PIK3C2G: variants seen among roughly 807,000 people sequenced by gnomAD.
PIK3C2G encodes phosphatidylinositol-4-phosphate 3-kinase catalytic subunit type 2 gamma.
In PIK3C2G, 168 loss-of-function variants were observed where a neutral mutation model predicts 181.1. The ratio of observed to expected loss-of-function variants is 0.93; its 90% CI spans 0.82 to 1.05. The LOEUF (loss-of-function observed/expected upper bound fraction) is 1.05, where lower values mean the gene tolerates loss of function less well. Among genes scored for constraint, PIK3C2G ranks in the 50% least tolerant of loss-of-function variants. PIK3C2G has a pLI of 0.00. For missense variants in PIK3C2G, 1,869 were observed against 1,732.8 expected, an observed-to-expected ratio of 1.08 and a Z score of -1.40; for synonymous variants, 573 against 592.2, an observed-to-expected ratio of 0.97 and a Z score of 0.47.
intron 18 of PIK3C2G, among the ~76,000 whole-genome samples, chr12:18,432,770 A>G (rs946693708): frequency 6.6e-6 from 1 of 152,232 alleles, no homozygotes; most frequent in Non-Finnish European, 1.5e-5. Context: ...GCTATCCCAG[A>G]AAGGGATCTC....
chr12:18,407,848 T>A (rs905868876), intron 16 of PIK3C2G, among the ~76,000 whole-genome samples: 2 of 152,042 alleles, frequency 1.3e-5, no homozygotes, highest in Non-Finnish European at 2.9e-5. Flanking sequence ...GAACTGCACA[T>A]AGGAAACTGG....
chr12:18,353,953 C>T (rs1038429085), intron 11 of PIK3C2G, among the ~76,000 whole-genome samples: 1 of 152,180 alleles, frequency 6.6e-6, no homozygotes, highest in Non-Finnish European at 1.5e-5. Flanking sequence ...TCTCCCATCT[C>T]ATCATTGAGA....
intron 16 of PIK3C2G, among the ~76,000 whole-genome samples, chr12:18,406,334 T>C: frequency 6.6e-6 from 1 of 152,166 alleles, no homozygotes; most frequent in African/African-American, 2.4e-5. Context: ...AATGCTTTCA[T>C]GAACATGGGG....
intron 6 of PIK3C2G, among the ~76,000 whole-genome samples, chr12:18,315,594 A>G (rs576415889): frequency 2.6e-5 from 4 of 152,352 alleles, no homozygotes; most frequent in South Asian, 2.1e-4. Context: ...GGGCATACAT[A>G]CATGTCTGAG....
At chr12:18,284,351 A>G (rs1405832060) in intron 2 of PIK3C2G, among the ~76,000 whole-genome samples, 1 of 152,158 alleles carries the variant, frequency 6.6e-6, no homozygotes, top group Non-Finnish European at 1.5e-5. Context: ...TGGCCTAACA[A>G]CAACAAAAAT....
intron 18 of PIK3C2G, among the ~76,000 whole-genome samples, chr12:18,437,091 C>T (rs1215241734): frequency 4.0e-5 from 6 of 151,804 alleles, no homozygotes; most frequent in Non-Finnish European, 7.4e-5. Context: ...TTTTGTTTCC[C>T]AGGGCTGTGA....
intron 24 of PIK3C2G, among the ~76,000 whole-genome samples, chr12:18,520,707 C>T (rs1159164462): frequency 1.3e-5 from 2 of 152,116 alleles, no homozygotes; most frequent in Non-Finnish European, 2.9e-5. Flanking sequence ...CTTCTGAAGC[C>T]TACTTCTGTC....
chr12:18,655,871 C>T, the PIK3C2G span, among the ~76,000 whole-genome samples: 2 of 152,104 alleles, frequency 1.3e-5, no homozygotes, highest in Non-Finnish European at 2.9e-5. Flanking sequence ...GAAACTGTCA[C>T]AGCCAAGAGG....
intron 6 of PIK3C2G, among the ~76,000 whole-genome samples, chr12:18,318,216 G>C (rs745404917): frequency 6.6e-6 from 1 of 151,996 alleles, no homozygotes; most frequent in African/African-American, 2.4e-5. Flanking sequence ...TCATAGAGCA[G>C]GATAAATTTT....
chr12:18,712,491 G>A, the PIK3C2G span, among the ~76,000 whole-genome samples: 2 of 152,068 alleles, frequency 1.3e-5, no homozygotes, highest in African/African-American at 4.8e-5. Context: ...TGTCTTGAAA[G>A]TAAAAGAGTT....
intron 24 of PIK3C2G, among the ~76,000 whole-genome samples, chr12:18,525,909 C>T (rs868857762): frequency 6.6e-5 from 10 of 152,264 alleles, no homozygotes; most frequent in Non-Finnish European, 8.8e-5. Context: ...CTTATCACAA[C>T]GTTGTTTAAA....
rs987520045 is a variant in PIK3C2G at position 18,338,609 on chromosome 12, G to T, written c.1395+61G>T. On this transcript the variant is annotated intron_variant, in intron 9 of 32. Transcript: ENST00000538779. ...CCTGAGTTCAATACTTAATTAAGGA[G>T]AGTGAAAGACTTTTTACTAACAACT... The T allele has an allele frequency of 6.7e-6, 8 of 1,188,502 alleles. No homozygotes were observed. In the South Asian group the frequency reaches 1.1e-4, roughly 16 times the overall value. 73.6% of individuals were successfully genotyped at this position (1,188,502 alleles called of 1,614,324 possible). A position where few individuals can be genotyped will look rare whatever the true frequency, so the allele number is the denominator to read the frequency against.
chr12:18,461,001 C>G (rs149185447), intron 18 of PIK3C2G, among the ~76,000 whole-genome samples: 2 of 152,002 alleles, frequency 1.3e-5, no homozygotes, highest in Non-Finnish European at 2.9e-5. Context: ...AATTCCGGAA[C>G]CTAGTTGTGA....
At chr12:18,650,124 T>C (rs532651556), downstream of PIK3C2G, among the ~76,000 whole-genome samples, 14 of 152,206 alleles carry the variant, frequency 9.2e-5, no homozygotes, top group South Asian at 2.9e-3. Flanking sequence ...TTCCCTTGAA[T>C]TGCTGATAAA....
chr12:18,329,950 T>C lies in PIK3C2G; in HGVS notation c.1272+4852T>C, dbSNP rs182172200. 6.6e-5 allele frequency among the ~76,000 whole-genome samples: 10 copies of C among 152,206 alleles called. No individual in the cohort carries two copies. The East Asian group carries it at 1.9e-3, about 29-fold the overall frequency. ...CTAAACTCATAAATTTGTCTTTACCTTTTTTAAAAATGTACTATTCAATTG... is the reference window on the plus strand; with the variant it reads ...CTAAACTCATAAATTTGTCTTTACCCTTTTTAAAAATGTACTATTCAATTG... On this transcript the variant is annotated intron_variant, in intron 8 of 32. Coordinates refer to ENST00000538779, the MANE Select transcript of PIK3C2G (RefSeq NM_001288772.2).
chr12:18,460,576 AAAAT>A (rs1230549740), intron 18 of PIK3C2G, among the ~76,000 whole-genome samples: 1 of 149,798 alleles, frequency 6.7e-6, no homozygotes, highest in Admixed American at 6.7e-5. Context: ...TCCGTCTCAA[AAAAT>A]AAATAAATAA....
the PIK3C2G span, chr12:18,713,903 T>C: frequency 6.6e-6 from 1 of 152,220 alleles, no homozygotes; most frequent in Non-Finnish European, 1.5e-5. Context: ...ACCCACTGTG[T>C]TTAAATTAAT....
upstream of PIK3C2G, among the ~76,000 whole-genome samples, chr12:18,245,138 T>C (rs540765767): frequency 6.6e-6 from 1 of 152,026 alleles, no homozygotes; most frequent in South Asian, 2.1e-4. Flanking sequence ...GAGGAATTAT[T>C]GTGAGTCAGA....
chr12:18,658,474 T>C, the PIK3C2G span, among the ~76,000 whole-genome samples: 35 of 152,172 alleles, frequency 2.3e-4, no homozygotes, highest in African/African-American at 8.4e-4. Context: ...AAATCCTCAA[T>C]AAGATTAATG....
Sources: gnomAD v4.1 joint callset for allele counts (sites outside exome capture counted in the v4.1 genomes callset) on GRCh38, gnomAD v4.1.1 for gene constraint, MANE v1.5 for transcripts, NCBI Gene and HGNC (gene_info 2026-07-23, HGNC 2026-07-21) for gene names.